Variants in CREB3L1 observed in about 807,000 individuals in gnomAD.
The protein encoded by CREB3L1 is cAMP responsive element binding protein 3 like 1, also known as cyclic AMP-responsive element-binding protein 3-like protein 1.
In CREB3L1, 33 loss-of-function variants were observed where a neutral mutation model predicts 54.5. That is an observed-to-expected ratio of 0.61 (90% CI 0.46 to 0.81). The LOEUF (loss-of-function observed/expected upper bound fraction) is 0.81. Among genes scored for constraint, CREB3L1 ranks in the 30% least tolerant of loss-of-function variants. CREB3L1 has a pLI of 0.00. For missense variants in CREB3L1, 656 were observed against 673.3 expected (o/e 0.97, Z 0.29); for synonymous variants, 284 against 286.4 (o/e 0.99, Z 0.08).
intron 1 of CREB3L1, among the ~76,000 whole-genome samples, chr11:46,289,800 C>T (rs1460247753): frequency 2.0e-5 from 3 of 152,160 alleles, no homozygotes; most frequent in African/African-American, 4.8e-5. Context: ...TTCTGACAGT[C>T]CTTGAGTATC....
chr11:46,286,857 C>G (rs972774862), intron 1 of CREB3L1, among the ~76,000 whole-genome samples: 1 of 152,126 alleles, frequency 6.6e-6, no homozygotes, highest in Non-Finnish European at 1.5e-5. Context: ...AGAAAACACA[C>G]TCGGTTCTGA....
At chr11:46,300,246 C>A in intron 2 of CREB3L1, 83 bp downstream of exon 2, 1 of 1,101,030 alleles carries the variant, frequency 9.1e-7, no homozygotes, top group Non-Finnish European at 1.3e-6. Context: ...GAGAGTGTGC[C>A]TGCAGCCTGA....
intron 3 of CREB3L1, among the ~76,000 whole-genome samples, chr11:46,308,437 T>G (rs1256265576): frequency 6.6e-6 from 1 of 152,250 alleles, no homozygotes; most frequent in Non-Finnish European, 1.5e-5. Context: ...AGATTAATAT[T>G]TTTAACCCAC....
In CREB3L1 at chr11:46,320,267, C is replaced by T; in HGVS notation, c.1262C>T (p.Pro421Leu). The change falls in exon 11 of 12, where the codon CCC becomes CTC. Residue 421 changes from proline (P) to leucine (L), a missense_variant. Transcript: ENST00000621158. Reference protein sequence around the residue: ...ADGVYTASQMPSRSLLFYDDG... With the variant: ...ADGVYTASQMLSRSLLFYDDG... ...TCATCCTACACTCCCTCTCCAGTGCCCTCCCGAAGCCTCCTATTCTACGAT... is the reference window on the plus strand; with the variant it reads ...TCATCCTACACTCCCTCTCCAGTGCTCTCCCGAAGCCTCCTATTCTACGAT... The T allele has an allele frequency of 1.3e-6, 2 of 1,598,804 alleles. No individual in the cohort carries two copies. The highest frequency in any genetic ancestry group is 8.5e-7 in the Non-Finnish European group (1 of 1,172,408).
At chr11:46,300,667 G>T (rs531376453) in intron 2 of CREB3L1, among the ~76,000 whole-genome samples, 2 of 152,050 alleles carry the variant, frequency 1.3e-5, no homozygotes, top group African/African-American at 4.8e-5. Flanking sequence ...TCAGGAGTTC[G>T]AGACCAGCCT....
chr11:46,290,308 A>G lies in CREB3L1; in HGVS notation c.103-9627A>G, dbSNP rs958051204. 1.2e-4 allele frequency among the ~76,000 whole-genome samples: 18 copies of G among 152,036 alleles called. 1 individual carries two copies. Among genetic ancestry groups the G allele is most frequent in the Middle Eastern group, 6.8e-3 (2 of 294 alleles). Reference sequence around the variant, plus strand: ...CTCCAATACTTCAGGACCCTCTACTATCAGACAAAGCATGTCTCTATGAAC... The same window carrying G: ...CTCCAATACTTCAGGACCCTCTACTGTCAGACAAAGCATGTCTCTATGAAC... On this transcript the variant is annotated intron_variant, in intron 1 of 11. Coordinates refer to ENST00000621158, the MANE Select transcript of CREB3L1 (RefSeq NM_052854.4).
intron 1 of CREB3L1, among the ~76,000 whole-genome samples, chr11:46,284,760 T>G (rs1254646467): frequency 2.0e-5 from 3 of 151,156 alleles, no homozygotes. Flanking sequence ...AGGGCAGGAG[T>G]CCTATGGAGA....
rs1374701723 is a variant in CREB3L1, at chr11:46,306,803, C to T, written c.332-1013C>T. Among the ~76,000 whole-genome samples, 4 of 151,218 alleles carry T rather than the reference C, an allele frequency of 2.6e-5. 1 individual carries two copies. In the South Asian group the frequency reaches 6.3e-4, roughly 24 times the overall value. On this transcript the variant is annotated intron_variant, in intron 2 of 11. Coordinates refer to ENST00000621158, the MANE Select transcript of CREB3L1 (RefSeq NM_052854.4). ...TTTTTTTTTTCAAGACAGGGTCTCA[C>T]TCTGTCTGTCTAGGCTGGAGTGCAG... is the stretch of plus-strand genomic sequence containing the variant.
rs146324501 is a variant in CREB3L1 at position 46,313,008 on chromosome 11, G to T, written c.1031+89G>T. The T allele has an allele frequency of 3.0e-4, 294 of 990,730 alleles. 3 individuals carry two copies. The Middle Eastern group carries it at 9.3e-3, about 31-fold the overall frequency. The allele number at this position is 990,730 out of a possible 1,614,324, so 61.4% of individuals were successfully genotyped here. ...CATAGCTCTGGGAGACAGGGGAGAG[G>T]AGAGAGAACTAAGTTTAGGATGACA... On this transcript the variant is annotated intron_variant, in intron 8 of 11. Transcript: ENST00000621158.
chr11:46,283,495 A>C (rs149379612), intron 1 of CREB3L1, among the ~76,000 whole-genome samples: 296 of 152,248 alleles, frequency 1.9e-3, no homozygotes, highest in African/African-American at 6.8e-3. Context: ...CATTGTAGTG[A>C]ACTTTGCTCT....
rs1244152355 is a variant in CREB3L1, at chr11:46,320,536, G to A, written c.1523+8G>A. 3.2e-6 allele frequency: 5 copies of A among 1,563,574 alleles called. No individual in the cohort carries two copies. The highest frequency in any genetic ancestry group is 4.3e-6 in the Non-Finnish European group (5 of 1,153,218). On this transcript the variant is annotated splice_region_variant and intron_variant, in intron 11 of 11. Transcript: ENST00000621158. Reference sequence around the variant, plus strand: ...GGAGTGGTTCCACGACAGGTGGGGTGTGTGGCCCCTTTCCCTCCTGAGGTC... The same window carrying A: ...GGAGTGGTTCCACGACAGGTGGGGTATGTGGCCCCTTTCCCTCCTGAGGTC...
intron 1 of CREB3L1, among the ~76,000 whole-genome samples, chr11:46,289,847 G>A (rs1336088173): frequency 1.3e-5 from 2 of 152,158 alleles, no homozygotes; most frequent in African/African-American, 4.8e-5. Flanking sequence ...CAGGCAGGAG[G>A]GAGCCAACGA....
intron 2 of CREB3L1, among the ~76,000 whole-genome samples, chr11:46,306,676 CT>C (rs943315332): frequency 1.3e-5 from 2 of 152,110 alleles, no homozygotes; most frequent in African/African-American, 4.8e-5. Context: ...TGCTAAACTG[CT>C]TGTGACTCTT....
chr11:46,279,214 T>C (rs1005365907), intron 1 of CREB3L1, among the ~76,000 whole-genome samples: 1 of 152,096 alleles, frequency 6.6e-6, no homozygotes, highest in African/African-American at 2.4e-5. Context: ...CTTGAGACTC[T>C]TTACCTGCTG....
chr11:46,317,149 A>C (rs1939578925), intron 9 of CREB3L1, among the ~76,000 whole-genome samples: 2 of 152,186 alleles, frequency 1.3e-5, no homozygotes, highest in African/African-American at 4.8e-5. Context: ...CGACCCCCCT[A>C]CAATGGGCTG....
chr11:46,320,356 T>G lies in CREB3L1; in HGVS notation c.1351T>G (p.Trp451Gly). 2.5e-6 allele frequency: 4 copies of G among 1,611,928 alleles called. No individual in the cohort carries two copies. Among genetic ancestry groups the G allele is most frequent in the Non-Finnish European group, 3.4e-6 (4 of 1,179,040 alleles). Residue 451 changes from tryptophan to glycine, a missense_variant, in exon 11 of 12, where the codon TGG becomes GGG. By Grantham distance (184) the Trp-to-Gly change is radical (BLOSUM62 -2). Transcript: ENST00000621158. ...TLLPMEPPDG[W>G]EINPGGPAEQ... The stretch of plus-strand genomic sequence containing the variant: ...GCTGCCCATGGAGCCCCCAGATGGC[T>G]GGGAAATCAACCCCGGGGGGCCGGC...
In CREB3L1 at chr11:46,317,615, T is replaced by C. The variant is rs1247813577; in HGVS notation, c.1258+128T>C. On this transcript the variant is annotated intron_variant, in intron 10 of 11. Coordinates refer to ENST00000621158, the MANE Select transcript of CREB3L1 (RefSeq NM_052854.4). The stretch of plus-strand genomic sequence containing the variant: ...GTCAGCATTATCTCATTTTGCCTCA[T>C]TTTCCAGATGGGGAAACCGAGGCCC... 3.4e-5 allele frequency: 41 copies of C among 1,213,858 alleles called. No individual in the cohort carries two copies. The East Asian group carries it at 1.0e-3, about 30-fold the overall frequency. The allele number at this position is 1,213,858 out of a possible 1,614,324, so 75.2% of individuals were successfully genotyped here.
chr11:46,320,289 C>T lies in CREB3L1; in HGVS notation c.1284C>T (p.Tyr428=), dbSNP rs779809838. 46 of 1,610,946 alleles carry T rather than the reference C, an allele frequency of 2.9e-5. No individual in the cohort carries two copies. In the Middle Eastern group the frequency reaches 5.0e-4, roughly 17 times the overall value. ...TGCCCTCCCGAAGCCTCCTATTCTA[C>T]GATGACGGGGCAGGCTTATGGGAAG... The part of the protein sequence containing the change: ...SQMPSRSLLF[Y]DDGAGLWEDG... Residue 428 remains tyrosine, a synonymous_variant, in exon 11 of 12, where the codon TAC becomes TAT. Coordinates refer to ENST00000621158, the MANE Select transcript of CREB3L1 (RefSeq NM_052854.4).
At chr11:46,300,217 G>C in intron 2 of CREB3L1, 54 bp downstream of exon 2, 3 of 1,379,122 alleles carry the variant, frequency 2.2e-6, no homozygotes, top group Non-Finnish European at 3.0e-6. Flanking sequence ...CCAGGAGGGA[G>C]GAAGCTCTGG....
Sources: allele counts gnomAD v4.1 joint callset (sites outside exome capture counted in the v4.1 genomes callset), GRCh38; gene constraint gnomAD v4.1.1; transcripts MANE v1.5; gene names NCBI Gene and HGNC (gene_info 2026-07-23, HGNC 2026-07-21).